The following WDR7 variants were observed in gnomAD, a reference collection of about 807,000 sequenced individuals.
WDR7 encodes WD repeat domain 7, also known as WD repeat-containing protein 7.
Under a neutral mutation model 169.4 loss-of-function variants are expected in WDR7, and 46 were observed. The ratio of observed to expected loss-of-function variants is 0.27; its 90% CI spans 0.21 to 0.35. The LOEUF (loss-of-function observed/expected upper bound fraction) is 0.35, where lower values mean the gene tolerates loss of function less well. Among genes scored for constraint, WDR7 ranks in the 10% least tolerant of loss-of-function variants. WDR7 has a pLI of 1.00. For missense variants in WDR7, 1,534 were observed against 1,859.3 expected (o/e 0.83, Z 3.22); for synonymous variants, 612 against 666.8 (o/e 0.92, Z 1.27).
intron 25 of WDR7, among the ~76,000 whole-genome samples, chr18:56,961,980 G>A (rs9966676): frequency 0.1 from 15,823 of 152,010 alleles, 2,671 homozygotes; most frequent in African/African-American, 0.35. Context: ...AGTAAATAGT[G>A]TTTACTCTTT....
chr18:56,768,562 A>G (rs1272529528), intron 16 of WDR7, among the ~76,000 whole-genome samples: 2 of 152,196 alleles, frequency 1.3e-5, no homozygotes, highest in Non-Finnish European at 2.9e-5. Flanking sequence ...GGTAACATGA[A>G]CATAAATAAC....
chr18:56,928,589 T>C (rs144371183), intron 22 of WDR7, among the ~76,000 whole-genome samples: 1 of 152,316 alleles, frequency 6.6e-6, no homozygotes, highest in East Asian at 1.9e-4. Context: ...AGTTTTTTCT[T>C]TGTTTTAGCA....
At chr18:56,761,692 TTATA>T (rs1384242532) in intron 16 of WDR7, among the ~76,000 whole-genome samples, 2 of 151,770 alleles carry the variant, frequency 1.3e-5, no homozygotes, top group African/African-American at 4.8e-5. Flanking sequence ...TGTAGAGGTT[TTATA>T]TATATTTTAG....
chr18:56,911,985 C>A (rs2046559083), intron 21 of WDR7, among the ~76,000 whole-genome samples: 1 of 152,138 alleles, frequency 6.6e-6, no homozygotes, highest in African/African-American at 2.4e-5. Context: ...TGAGCATGAG[C>A]CTTTGACTGA....
At chr18:56,908,569 CAG>C (rs1490330521) in intron 21 of WDR7, among the ~76,000 whole-genome samples, 29 of 152,260 alleles carry the variant, frequency 1.9e-4, no homozygotes, top group African/African-American at 7.0e-4. Context: ...AATGGTCAGA[CAG>C]AGGCTGTCAA....
intron 14 of WDR7, among the ~76,000 whole-genome samples, chr18:56,739,339 A>G (rs1284428110): frequency 6.6e-6 from 1 of 152,188 alleles, no homozygotes; most frequent in Non-Finnish European, 1.5e-5. Flanking sequence ...ATTACAGTCT[A>G]AAACAAATTA....
At chr18:56,752,872 G>C (rs1021628147) in intron 14 of WDR7, among the ~76,000 whole-genome samples, 1 of 152,194 alleles carries the variant, frequency 6.6e-6, no homozygotes. Context: ...TGGCAGAAGA[G>C]AGATTCCGGA....
chr18:56,784,859 C>T (rs2044372264), intron 19 of WDR7, among the ~76,000 whole-genome samples: 1 of 149,944 alleles, frequency 6.7e-6, no homozygotes, highest in Non-Finnish European at 1.5e-5. Flanking sequence ...CAGAGTACTT[C>T]ATATATTAGC....
intron 19 of WDR7, among the ~76,000 whole-genome samples, chr18:56,793,261 A>C (rs1354755111): frequency 1.3e-5 from 2 of 152,234 alleles, no homozygotes; most frequent in East Asian, 3.8e-4. Flanking sequence ...ATCTGGTTTT[A>C]GAACTTATTT....
chr18:56,698,087 T>C (rs923669488), intron 12 of WDR7, among the ~76,000 whole-genome samples: 13 of 151,884 alleles, frequency 8.6e-5, no homozygotes, highest in African/African-American at 3.1e-4. Flanking sequence ...CCCAGCTCCT[T>C]AGGAGGCTGA....
intron 26 of WDR7, among the ~76,000 whole-genome samples, chr18:56,968,619 G>A (rs114676600): frequency 0.012 from 1,889 of 152,192 alleles, 54 homozygotes; most frequent in African/African-American, 0.044. Context: ...CAGCACTATG[G>A]CAACTGTGGT....
intron 11 of WDR7, 50 bp downstream of exon 11, chr18:56,695,248 A>G (rs2025673485): frequency 2.4e-5 from 38 of 1,569,360 alleles, no homozygotes; most frequent in Middle Eastern, 1.7e-4. Context: ...ACTCTTACCC[A>G]GAGAGTGAAA....
At chr18:56,824,658 T>C (rs1048610417) in intron 20 of WDR7, among the ~76,000 whole-genome samples, 13 of 152,194 alleles carry the variant, frequency 8.5e-5, no homozygotes, top group South Asian at 2.1e-4. Context: ...TGGTAACACA[T>C]TAGTGAGGTG....
intron 21 of WDR7, among the ~76,000 whole-genome samples, chr18:56,898,723 C>G (rs1376223055): frequency 6.6e-6 from 1 of 151,998 alleles, no homozygotes; most frequent in East Asian, 1.9e-4. Flanking sequence ...GGAACTGTCA[C>G]AGATTGAAGA....
At chr18:56,949,722 T>C (rs2047154815) in intron 25 of WDR7, among the ~76,000 whole-genome samples, 1 of 152,244 alleles carries the variant, frequency 6.6e-6, no homozygotes, top group Admixed American at 6.5e-5. Flanking sequence ...AATCCACCAG[T>C]GTATCTTGCA....
At chr18:56,977,171 C>T (rs772060801) in intron 26 of WDR7, among the ~76,000 whole-genome samples, 1 of 152,142 alleles carries the variant, frequency 6.6e-6, no homozygotes, top group Non-Finnish European at 1.5e-5. Context: ...CTCAATAAAT[C>T]GTGGTGGTGG....
chr18:56,784,827 T>C (rs539980020), intron 19 of WDR7, among the ~76,000 whole-genome samples: 2 of 152,294 alleles, frequency 1.3e-5, no homozygotes, highest in Non-Finnish European at 2.9e-5. Context: ...ATGTAAGTCT[T>C]TTGTATTTGA....
At chr18:56,692,799 G>A (rs1156995744) in intron 9 of WDR7, among the ~76,000 whole-genome samples, 3 of 152,040 alleles carry the variant, frequency 2.0e-5, no homozygotes, top group Admixed American at 1.3e-4. Flanking sequence ...GTGTTGAAAT[G>A]TAGAATATTG....
Position 56,705,154 on chromosome 18 carries a change from A to C in WDR7, c.1578+8692A>C, listed in dbSNP as rs1423228666. ...TGCTCTCTATATTTTTAAATGGCAAAAATTGCTAGGAAGAAATGAATTACC... is the reference window on the plus strand; with the variant it reads ...TGCTCTCTATATTTTTAAATGGCAACAATTGCTAGGAAGAAATGAATTACC... On this transcript the variant is annotated intron_variant, in intron 12 of 27. Transcript: ENST00000254442. Among the ~76,000 whole-genome samples, 3 of 152,286 alleles carry C rather than the reference A, an allele frequency of 2.0e-5. No individual in the cohort carries two copies. The East Asian group carries it at 5.8e-4, about 29-fold the overall frequency.
Sources: allele counts gnomAD v4.1 joint callset (sites outside exome capture counted in the v4.1 genomes callset), GRCh38; gene constraint gnomAD v4.1.1; transcripts MANE v1.5; gene names NCBI Gene and HGNC (gene_info 2026-07-23, HGNC 2026-07-21).